The following SLC35F3 variants were observed in gnomAD, a reference collection of about 807,000 sequenced individuals.
SLC35F3 encodes putative thiamine transporter SLC35F3.
SLC35F3 carries 25 observed loss-of-function variants against 49.9 expected under a neutral mutation model. The observed-to-expected ratio is 0.50, with a 90% CI of 0.37 to 0.70. The LOEUF is 0.70. SLC35F3 is among the 30% of genes least tolerant of loss of function. SLC35F3 has a pLI of 0.00. For missense variants in SLC35F3, 525 were observed against 639.8 expected (o/e 0.82, Z 1.94); for synonymous variants, 275 against 265.4 (o/e 1.04, Z -0.35).
At chr1:234,079,912 G>C (rs1438661438) in intron 2 of SLC35F3, among the ~76,000 whole-genome samples, 1 of 152,188 alleles carries the variant, frequency 6.6e-6, no homozygotes, top group African/African-American at 2.4e-5. Context: ...TCTGGTTTCT[G>C]TAACAGAGCT....
intron 2 of SLC35F3, among the ~76,000 whole-genome samples, chr1:233,910,934 C>T (rs907716885): frequency 2.0e-5 from 3 of 152,116 alleles, no homozygotes; most frequent in African/African-American, 7.2e-5. Context: ...CTCCAGCCCG[C>T]TATTGGCAAC....
chr1:233,938,336 G>C (rs1279855859), intron 2 of SLC35F3, among the ~76,000 whole-genome samples: 3 of 152,138 alleles, frequency 2.0e-5, no homozygotes, highest in Non-Finnish European at 4.4e-5. Context: ...ACAGGAATCT[G>C]ATTGGCTGAA....
At chr1:233,961,830 A>G (rs79068864) in intron 2 of SLC35F3, among the ~76,000 whole-genome samples, 120 of 152,332 alleles carry the variant, frequency 7.9e-4, no homozygotes, top group Non-Finnish European at 1.5e-3. Flanking sequence ...AATGGAAAAT[A>G]GGTGCATTTC....
intron 2 of SLC35F3, among the ~76,000 whole-genome samples, chr1:233,918,688 G>C (rs1662009631): frequency 6.6e-6 from 1 of 151,974 alleles, no homozygotes; most frequent in African/African-American, 2.4e-5. Context: ...AAGTGCTTGA[G>C]CCTGGGAGGC....
At chr1:234,245,432 G>A (rs544007111) in intron 3 of SLC35F3, among the ~76,000 whole-genome samples, 5 of 152,336 alleles carry the variant, frequency 3.3e-5, no homozygotes, top group African/African-American at 1.2e-4. Flanking sequence ...ATAAACATGT[G>A]AGTGCAGGTA....
intron 3 of SLC35F3, among the ~76,000 whole-genome samples, chr1:234,275,859 A>G (rs145499744): frequency 8.6e-4 from 131 of 152,196 alleles, no homozygotes; most frequent in African/African-American, 3.1e-3. Flanking sequence ...TATTCTAAGC[A>G]CTGTGCACAT....
intron 2 of SLC35F3, among the ~76,000 whole-genome samples, chr1:234,008,510 C>T (rs1021651879): frequency 2.6e-5 from 4 of 152,140 alleles, no homozygotes; most frequent in African/African-American, 7.2e-5. Context: ...CATTTGTTTA[C>T]GAAGACTGCT....
intron 2 of SLC35F3, among the ~76,000 whole-genome samples, chr1:233,973,608 T>C (rs1663029109): frequency 6.6e-6 from 1 of 152,174 alleles, no homozygotes; most frequent in African/African-American, 2.4e-5. Flanking sequence ...GAGGCTGAAG[T>C]CTGTAGGTAC....
At chr1:234,185,212 A>G (rs1666623332) in intron 2 of SLC35F3, among the ~76,000 whole-genome samples, 1 of 152,026 alleles carries the variant, frequency 6.6e-6, no homozygotes, top group African/African-American at 2.4e-5. Context: ...TGGTTCTGGG[A>G]AGTTGGGTAG....
intron 2 of SLC35F3, among the ~76,000 whole-genome samples, chr1:234,106,979 A>T (rs753920871): frequency 6.6e-6 from 1 of 152,198 alleles, no homozygotes; most frequent in Admixed American, 6.5e-5. Context: ...AATCATCTCC[A>T]TTGGCAATAT....
Position 234,063,515 on chromosome 1 carries a change from G to A in SLC35F3, c.283+157757G>A, listed in dbSNP as rs147582604. Among the ~76,000 whole-genome samples the A allele has an allele frequency of 1.7e-3, 253 of 152,216 alleles. 1 individual carries two copies. Among genetic ancestry groups the A allele is most frequent in the Middle Eastern group, 6.8e-3 (2 of 294 alleles). On this transcript the variant is annotated intron_variant, in intron 2 of 7. Transcript: ENST00000366618. ...TACAGAGGTTTGGGGAGTTCCTTCAGACCTCCAATAAGCTTGTTTATGGAG... is the reference window on the plus strand; with the variant it reads ...TACAGAGGTTTGGGGAGTTCCTTCAAACCTCCAATAAGCTTGTTTATGGAG...
intron 3 of SLC35F3, among the ~76,000 whole-genome samples, chr1:234,266,076 A>G (rs1667974354): frequency 6.6e-6 from 1 of 152,142 alleles, no homozygotes; most frequent in Non-Finnish European, 1.5e-5. Flanking sequence ...AGGAGCATTG[A>G]CACACTATTT....
chr1:234,318,975 G>A (rs367641730), intron 6 of SLC35F3, 32 bp downstream of exon 6: 3 of 1,585,284 alleles, frequency 1.9e-6, no homozygotes, highest in Non-Finnish European at 2.6e-6. Context: ...AGAATTCCCA[G>A]AAAGCAACCA....
At chr1:234,054,373 C>T (rs570243033) in intron 2 of SLC35F3, among the ~76,000 whole-genome samples, 1 of 152,256 alleles carries the variant, frequency 6.6e-6, no homozygotes, top group South Asian at 2.1e-4. Flanking sequence ...CTTCTCTTCT[C>T]ACTTCATTTC....
chr1:234,111,712 G>A (rs890130317), intron 2 of SLC35F3, among the ~76,000 whole-genome samples: 3 of 152,224 alleles, frequency 2.0e-5, no homozygotes, highest in African/African-American at 7.2e-5. Flanking sequence ...CCAAGCTGCT[G>A]GGTACCACAT....
intron 3 of SLC35F3, among the ~76,000 whole-genome samples, chr1:234,260,405 A>G (rs1241194075): frequency 1.3e-5 from 2 of 152,230 alleles, no homozygotes; most frequent in Non-Finnish European, 2.9e-5. Context: ...TTCACATTGT[A>G]GTTCAGAAAA....
intron 3 of SLC35F3, chr1:234,261,915 G>A (rs558036082): frequency 6.6e-6 from 1 of 152,346 alleles, no homozygotes; most frequent in East Asian, 1.9e-4. Flanking sequence ...TGAACAGCAG[G>A]GCAGAGACTC....
At chr1:233,942,038 G>A (rs1662434616) in intron 2 of SLC35F3, among the ~76,000 whole-genome samples, 1 of 147,166 alleles carries the variant, frequency 6.8e-6, no homozygotes, top group Non-Finnish European at 1.5e-5. Context: ...TCGGATCACT[G>A]CAACCTCCAC....
chr1:233,990,118 A>T (rs1251137931), intron 2 of SLC35F3, among the ~76,000 whole-genome samples: 2 of 152,190 alleles, frequency 1.3e-5, no homozygotes, highest in African/African-American at 4.8e-5. Flanking sequence ...ACTAGTAATA[A>T]AGAAAAAATT....
Sources: allele counts gnomAD v4.1 joint callset (sites outside exome capture counted in the v4.1 genomes callset), GRCh38; gene constraint gnomAD v4.1.1; transcripts MANE v1.5; gene names NCBI Gene and HGNC (gene_info 2026-07-23, HGNC 2026-07-21).